BRIP1: variants seen among roughly 807,000 people sequenced by gnomAD.
BRIP1 encodes Fanconi anemia group J protein.
In BRIP1, 88 loss-of-function variants were observed where a neutral mutation model predicts 119.7. The ratio of observed to expected loss-of-function variants is 0.74; its 90% CI spans 0.62 to 0.88. BRIP1 has a LOEUF of 0.88. Ranked by LOEUF, BRIP1 falls within the 40% of genes least tolerant of loss-of-function variation. The pLI is 0.00. For missense variants in BRIP1, 1,259 were observed against 1,455.4 expected (o/e 0.87, Z 2.20); for synonymous variants, 443 against 496.5 (o/e 0.89, Z 1.43).
intron 17 of BRIP1, among the ~76,000 whole-genome samples, chr17:61,694,394 TTCAC>T (rs1445313910): frequency 6.6e-6 from 1 of 152,152 alleles, no homozygotes; most frequent in Non-Finnish European, 1.5e-5. Context: ...GTTTTCAAGA[TTCAC>T]TCATATTGTA....
chr17:61,740,283 G>A lies in BRIP1; in HGVS notation c.2379+2730C>T, dbSNP rs536791836. On this transcript the variant is annotated intron_variant, in intron 16 of 19. Transcript: ENST00000259008. The surrounding 1 kb of genome is among the most constrained non-coding windows in gnomAD (Gnocchi z 5.4). Reference sequence around the variant, plus strand: ...CAAAAGACCCCAGGATTCCCCGGAGGAACCCATGAGTCTGTGGTTAAAAGA... The same window carrying A: ...CAAAAGACCCCAGGATTCCCCGGAGAAACCCATGAGTCTGTGGTTAAAAGA... Among the ~76,000 whole-genome samples, 1 of 152,220 alleles carries A rather than the reference G, an allele frequency of 6.6e-6. No homozygotes were observed. The highest frequency in any genetic ancestry group is 2.1e-4 in the South Asian group (1 of 4,812).
At position 61,713,446 on chromosome 17, in the gene BRIP1, C is replaced by T. The variant is rs765485755; in HGVS notation, c.2492+2505G>A. 5.3e-5 allele frequency among the ~76,000 whole-genome samples: 8 copies of T among 151,862 alleles called. No homozygotes were observed. Among genetic ancestry groups the T allele is most frequent in the Admixed American group, 1.3e-4 (2 of 15,240 alleles). The stretch of plus-strand genomic sequence containing the variant: ...CTGAAGACCTTCCAGTGATTCAAGA[C>T]ATGGAGGTAGAAGACAGGGATATTA... On this transcript the variant is annotated intron_variant, in intron 17 of 19. Transcript: ENST00000259008. The surrounding 1 kb of genome is among the most constrained non-coding windows in gnomAD (Gnocchi z 4.9).
intron 10 of BRIP1, among the ~76,000 whole-genome samples, chr17:61,790,775 G>A (rs1449119004): frequency 6.6e-6 from 1 of 151,738 alleles, no homozygotes; most frequent in East Asian, 2.0e-4. Context: ...AAGTAGCTGG[G>A]ACTACAGCGC....
Position 61,822,921 on chromosome 17 carries a change from C to T in BRIP1, c.628-14164G>A, listed in dbSNP as rs869312542. 6.6e-5 allele frequency among the ~76,000 whole-genome samples: 10 copies of T among 152,146 alleles called. No homozygotes were observed. The highest frequency in any genetic ancestry group is 1.2e-4 in the Non-Finnish European group (8 of 68,034). ...CGTAAGTTTCAAGAAGGCTGAGGAA[C>T]TATGGTCAAAATAGCAGATCATCAA... On this transcript the variant is annotated intron_variant, in intron 6 of 19. Coordinates refer to ENST00000259008, the MANE Select transcript of BRIP1 (RefSeq NM_032043.3). The surrounding 1 kb of genome is among the most constrained non-coding windows in gnomAD (Gnocchi z 4.4).
Position 61,686,237 on chromosome 17 carries a change from A to C in BRIP1, c.2576-72T>G. ...AAAATATTACATGCTAAGGTAATAC[A>C]CTTGCTTTTTCTAGTGAAGTAACCT... is the stretch of plus-strand genomic sequence containing the variant. On this transcript the variant is annotated intron_variant, in intron 18 of 19. Coordinates refer to ENST00000259008, the MANE Select transcript of BRIP1 (RefSeq NM_032043.3). This position sits in a 1 kb window ranked among gnomAD's most constrained non-coding sequence, Gnocchi z 5.4. 7.3e-7 allele frequency: 1 copy of C among 1,365,170 alleles called. No individual in the cohort carries two copies. The highest frequency in any genetic ancestry group is 1.0e-6 in the Non-Finnish European group (1 of 957,090). 84.6% of individuals were successfully genotyped at this position (1,365,170 alleles called of 1,614,324 possible).
At chr17:61,763,443 C>A (rs1329720589) in intron 14 of BRIP1, among the ~76,000 whole-genome samples, 1 of 152,118 alleles carries the variant, frequency 6.6e-6, no homozygotes, top group Non-Finnish European at 1.5e-5. Context: ...GAGCTGCTAT[C>A]TGTAGAATCT....
At position 61,684,676 on chromosome 17, in the gene BRIP1, T is replaced by A. The variant is rs1222844762; in HGVS notation, c.2906-536A>T. 6.6e-6 allele frequency: 1 copy of A among 152,614 alleles called. No homozygotes were observed. Among genetic ancestry groups the A allele is most frequent in the Non-Finnish European group, 1.5e-5 (1 of 68,328 alleles). The allele number at this position is 152,614 out of a possible 1,614,324, so 9.5% of individuals were successfully genotyped here. ...CTATTTATAGTGAATTTTGTATTAC[T>A]ATTTTGTAGTATTTATATACAAAAT... On this transcript the variant is annotated intron_variant, in intron 19 of 19. Coordinates refer to ENST00000259008, the MANE Select transcript of BRIP1 (RefSeq NM_032043.3). This position sits in a 1 kb window ranked among gnomAD's most constrained non-coding sequence, Gnocchi z 4.5.
chr17:61,688,230 T>C (rs923690322), intron 18 of BRIP1, among the ~76,000 whole-genome samples: 2 of 151,996 alleles, frequency 1.3e-5, no homozygotes, highest in African/African-American at 4.8e-5. Flanking sequence ...TCCCAGCACT[T>C]AGGGAGGCCG....
At chr17:61,800,004 G>T (rs1377445661) in intron 8 of BRIP1, among the ~76,000 whole-genome samples, 2 of 152,058 alleles carry the variant, frequency 1.3e-5, no homozygotes, top group Non-Finnish European at 2.9e-5. Context: ...TCAGGTTCAG[G>T]AACAGACATG....
rs960279536 is a variant in BRIP1 at position 61,809,601 on chromosome 17, T to C, written c.628-844A>G. Reference sequence around the variant, plus strand: ...CTAAAAAAAAAAGTTTAATGCTATATATTAGAACTCACAGGTTCTTAATAA... The same window carrying C: ...CTAAAAAAAAAAGTTTAATGCTATACATTAGAACTCACAGGTTCTTAATAA... On this transcript the variant is annotated intron_variant, in intron 6 of 19. Transcript: ENST00000259008. This position sits in a 1 kb window ranked among gnomAD's most constrained non-coding sequence, Gnocchi z 5.2. Among the ~76,000 whole-genome samples the C allele has an allele frequency of 4.6e-5, 7 of 152,198 alleles. No individual in the cohort carries two copies. Among genetic ancestry groups the C allele is most frequent in the Non-Finnish European group, 1.0e-4 (7 of 68,032 alleles).
intron 14 of BRIP1, among the ~76,000 whole-genome samples, chr17:61,763,568 G>A (rs950989779): frequency 6.6e-6 from 1 of 152,060 alleles, no homozygotes; most frequent in African/African-American, 2.4e-5. Context: ...CTCAGAAATA[G>A]TACTTTGTAC....
chr17:61,786,747 CTATATTATATATTTTA>C (rs2077714218), intron 10 of BRIP1, among the ~76,000 whole-genome samples: 1 of 131,352 alleles, frequency 7.6e-6, no homozygotes. Context: ...TGGGTTATTT[CTATATTATATATTTTA>C]TATATTATAT....
rs2061304701 is a variant in BRIP1, at chr17:61,683,554, G to T, written c.3492C>A (p.Cys1164Ter). The change falls in exon 20 of 20, where the codon TGC (cysteine) becomes TGA (stop). Residue 1164 changes from cysteine (C) to a stop codon, truncating the protein, a stop_gained. Transcript: ENST00000259008. LOFTEE classifies it low-confidence loss of function (END_TRUNC). This position sits in a 1 kb window ranked among gnomAD's most constrained non-coding sequence, Gnocchi z 4.7. ...TTTCAAAAAGGTCTTTAGCTAAAATGCAATCTGAATTGTTAGCCAATCTAT... is the reference window on the plus strand; with the variant it reads ...TTTCAAAAAGGTCTTTAGCTAAAATTCAATCTGAATTGTTAGCCAATCTAT... ...RGNRLANNSDCILAKDLFEIR... is the reference protein window; with the variant it reads ...RGNRLANNSD 1 of 1,612,922 alleles carries T rather than the reference G, an allele frequency of 6.2e-7. No homozygotes were observed. The highest frequency in any genetic ancestry group is 1.3e-5 in the African/African-American group (1 of 74,914).
rs1339059479 is a variant in BRIP1 at position 61,827,468 on chromosome 17, C to T, written c.628-18711G>A. Among the ~76,000 whole-genome samples the T allele has an allele frequency of 1.3e-5, 2 of 152,106 alleles. No individual in the cohort carries two copies. Among genetic ancestry groups the T allele is most frequent in the South Asian group, 2.1e-4 (1 of 4,830 alleles). On this transcript the variant is annotated intron_variant, in intron 6 of 19. Transcript: ENST00000259008. This position sits in a 1 kb window ranked among gnomAD's most constrained non-coding sequence, Gnocchi z 5.8. Reference sequence around the variant, plus strand: ...ATGGGGCTGGGAGTGGTGGCTTACACCTGTAATCTCAGTACTTTGAGAGGT... The same window carrying T: ...ATGGGGCTGGGAGTGGTGGCTTACATCTGTAATCTCAGTACTTTGAGAGGT...
At chr17:61,800,070 C>T (rs943682510) in intron 8 of BRIP1, among the ~76,000 whole-genome samples, 1 of 152,156 alleles carries the variant, frequency 6.6e-6, no homozygotes, top group African/African-American at 2.4e-5. Context: ...TGGCCATGCT[C>T]TTTTCTCCAG....
chr17:61,849,390 C>T, intron 4 of BRIP1, 134 bp from the exon 5 acceptor site: 1 of 747,628 alleles, frequency 1.3e-6, no homozygotes, highest in South Asian at 1.8e-5. Context: ...GAAACTTAAA[C>T]ATGTTTAAAA....
chr17:61,859,932 A>G, intron 2 of BRIP1, 25 bp from the exon 3 acceptor site: 4 of 1,456,688 alleles, frequency 2.7e-6, no homozygotes, highest in Non-Finnish European at 3.9e-6. Context: ...ACCAATGAAA[A>G]TAATAAACAT....
chr17:61,809,577 TA>T lies in BRIP1; in HGVS notation c.628-821del, dbSNP rs1366656575. Reference sequence around the variant, plus strand: ...CTTCTGTTTCCAAATTCTCAAATACTAAAAAAAAAAGTTTAATGCTATATAT... The same window carrying T: ...CTTCTGTTTCCAAATTCTCAAATACTAAAAAAAAAGTTTAATGCTATATAT... On this transcript the variant is annotated intron_variant, in intron 6 of 19. Transcript: ENST00000259008. This position sits in a 1 kb window ranked among gnomAD's most constrained non-coding sequence, Gnocchi z 5.2. Among the ~76,000 whole-genome samples, 14 of 148,174 alleles carry T rather than the reference TA, an allele frequency of 9.4e-5. No homozygotes were observed. Among genetic ancestry groups the T allele is most frequent in the Admixed American group, 1.3e-4 (2 of 14,864 alleles).
At chr17:61,858,241 T>G (rs942785465) in intron 3 of BRIP1, among the ~76,000 whole-genome samples, 1 of 152,232 alleles carries the variant, frequency 6.6e-6, no homozygotes, top group African/African-American at 2.4e-5. Context: ...ATTTGTACCA[T>G]ATAAATATTC....
Sources: gnomAD v4.1 joint callset for allele counts (sites outside exome capture counted in the v4.1 genomes callset) on GRCh38, gnomAD v4.1.1 for gene constraint, Gnocchi (gnomAD v3.1) non-coding constraint, MANE v1.5 for transcripts, NCBI Gene and HGNC (gene_info 2026-07-23, HGNC 2026-07-21) for gene names.